The following OR52E6 variants were observed in gnomAD, a reference collection of about 807,000 sequenced individuals.
OR52E6 encodes olfactory receptor family 52 subfamily E member 6.
For synonymous variants in OR52E6, 173 were observed against 137.3 expected (o/e 1.26, Z -1.82); for missense variants, 419 against 381.5 (o/e 1.10, Z -0.82).
chr11:5,841,602 T>C lies in OR52E6; in HGVS notation c.296A>G (p.Tyr99Cys), dbSNP rs1846612722. 1 of 1,614,106 alleles carries C rather than the reference T, an allele frequency of 6.2e-7. No homozygotes were observed. Among genetic ancestry groups the C allele is most frequent in the Non-Finnish European group, 8.5e-7 (1 of 1,179,972 alleles). Residue 99 changes from tyrosine to cysteine, a missense_variant, in exon 1 of 1, where the codon TAC becomes TGC. Tyr to Cys is a radical substitution (Grantham distance 194). Transcript: ENST00000329322. ...FNIKEISFGG[Y>C]LSQMFFIHFF... is the part of the protein sequence containing the mutation. ...ATGGATGAAGAACATCTGAGAAAGGTAGCCTCCAAAAGATATTTCCTTGAT... is the reference window on the plus strand; with the variant it reads ...ATGGATGAAGAACATCTGAGAAAGGCAGCCTCCAAAAGATATTTCCTTGAT...
chr11:5,841,845 C>G lies in OR52E6; in HGVS notation c.53G>C (p.Gly18Ala), dbSNP rs769350530. The change falls in exon 1 of 1, where the codon GGT becomes GCT. Residue 18 changes from glycine (G) to alanine (A), a missense_variant. Physicochemically the swap from Gly to Ala is moderately conservative, Grantham distance 60. Coordinates refer to ENST00000329322, the MANE Select transcript of OR52E6 (RefSeq NM_001005167.2). ...GTGCACATCTTCTAGCCCTGGGATA[C>G]CCAGCAGTAGGAATGAAGAAGTATG... ...QFHTSSFLLLGIPGLEDVHIW... is the reference protein window; with the variant it reads ...QFHTSSFLLLAIPGLEDVHIW... 1 of 1,613,596 alleles carries G rather than the reference C, an allele frequency of 6.2e-7. No individual in the cohort carries two copies. The highest frequency in any genetic ancestry group is 2.2e-5 in the East Asian group (1 of 44,852).
rs931087841 is a variant in OR52E6, at chr11:5,841,878, G to A, written c.20C>T (p.Thr7Ile). The change falls in exon 1 of 1, where the codon ACC becomes ATC. Residue 7 changes from threonine (T) to isoleucine (I), a missense_variant. Thr to Ile is a moderately conservative substitution (Grantham distance 89, BLOSUM62 -1). Transcript: ENST00000329322. ...TAGGAATGAAGAAGTATGGAACTGG[G>A]TGTCGTTAGCTATAGGCATTCTTTC... is the stretch of plus-strand genomic sequence containing the variant. MPIAND[T>I]QFHTSSFLLL... 68 of 1,613,272 alleles carry A rather than the reference G, an allele frequency of 4.2e-5. No homozygotes were observed. The highest frequency in any genetic ancestry group is 5.7e-5 in the Non-Finnish European group (67 of 1,179,450).
chr11:5,841,366 G>A lies in OR52E6; in HGVS notation c.532C>T (p.His178Tyr), dbSNP rs753090391. 6.2e-7 allele frequency: 1 copy of A among 1,614,182 alleles called. No individual in the cohort carries two copies. The highest frequency in any genetic ancestry group is 8.5e-7 in the Non-Finnish European group (1 of 1,180,028). ...ATGCCCATGTGCTCACAGTAAGTAT[G>A]AGGGATGATACGATGTCCACAGAAG... is the stretch of plus-strand genomic sequence containing the variant. ...LPFCGHRIIP[H>Y]TYCEHMGIAR... The change falls in exon 1 of 1, where the codon CAT becomes TAT. Residue 178 changes from histidine (H) to tyrosine (Y), a missense_variant. Coordinates refer to ENST00000329322, the MANE Select transcript of OR52E6 (RefSeq NM_001005167.2).
rs770698087 is a variant in OR52E6, at chr11:5,841,106, G to C, written c.792C>G (p.Cys264Trp). Residue 264 changes from cysteine to tryptophan, a missense_variant, in exon 1 of 1, where the codon TGC becomes TGG. Cys to Trp is a radical substitution (Grantham distance 215). Transcript: ENST00000329322. ...TATATTGGGGAATATCATGGCCAAA[G>C]CAGTGTGTAAAGAAAGAGAAAAATG... is the stretch of plus-strand genomic sequence containing the variant. ...TPAFFSFFTH[C>W]FGHDIPQYIH... 1.9e-6 allele frequency: 3 copies of C among 1,613,922 alleles called. No individual in the cohort carries two copies. The highest frequency in any genetic ancestry group is 2.5e-6 in the Non-Finnish European group (3 of 1,179,926).
chr11:5,841,434 A>C lies in OR52E6; in HGVS notation c.464T>G (p.Leu155Trp). The stretch of plus-strand genomic sequence containing the variant: ...AAACACCAGTGGAATGACCATGTAC[A>C]AGCTCCTCAGGACAGCAATGCCTGC... The part of the protein sequence containing the change: ...LIAGIAVLRS[L>W]YMVIPLVFLL... Residue 155 changes from leucine to tryptophan, a missense_variant, in exon 1 of 1, where the codon TTG becomes TGG. Transcript: ENST00000329322. 6.2e-7 allele frequency: 1 copy of C among 1,614,184 alleles called. No homozygotes were observed. The highest frequency in any genetic ancestry group is 8.5e-7 in the Non-Finnish European group (1 of 1,180,020).
chr11:5,841,179 T>C lies in OR52E6; in HGVS notation c.719A>G (p.Asn240Ser), dbSNP rs1306204603. 7.4e-6 allele frequency: 12 copies of C among 1,613,668 alleles called. No individual in the cohort carries two copies. Among genetic ancestry groups the C allele is most frequent in the South Asian group, 1.1e-5 (1 of 91,056 alleles). Residue 240 changes from asparagine to serine, a missense_variant, in exon 1 of 1, where the codon AAC becomes AGC. Asn to Ser is a conservative substitution (Grantham distance 46). Transcript: ENST00000329322. Reference protein sequence around the residue: ...PSWEARLKALNTCGSHIGVIL... With the variant: ...PSWEARLKALSTCGSHIGVIL... ...AACACCAATGTGAGAGCCACAGGTGTTGAGAGCTTTGAGTCGAGCTTCCCA... is the reference window on the plus strand; with the variant it reads ...AACACCAATGTGAGAGCCACAGGTGCTGAGAGCTTTGAGTCGAGCTTCCCA...
chr11:5,841,023 A>T lies in OR52E6; in HGVS notation c.875T>A (p.Ile292Asn), dbSNP rs200527084. ...VVVPPTLNPV[I>N]YGVRTKHIRE... ...AATATGTTTGGTTCTGACCCCATAG[A>T]TTACAGGATTGAGGGTGGGAGGAAC... The change falls in exon 1 of 1, where the codon ATC (isoleucine) becomes AAC (asparagine). Residue 292 changes from isoleucine (I) to asparagine (N), a missense_variant. Transcript: ENST00000329322. 2 of 1,611,778 alleles carry T rather than the reference A, an allele frequency of 1.2e-6. No homozygotes were observed. Among genetic ancestry groups the T allele is most frequent in the Non-Finnish European group, 8.5e-7 (1 of 1,178,954 alleles).
In OR52E6 at chr11:5,841,873, A is replaced by C; in HGVS notation, c.25T>G (p.Phe9Val). 1 of 1,613,414 alleles carries C rather than the reference A, an allele frequency of 6.2e-7. No homozygotes were observed. Among genetic ancestry groups the C allele is most frequent in the Non-Finnish European group, 8.5e-7 (1 of 1,179,592 alleles). MPIANDTQ[F>V]HTSSFLLLGI... ...AGCAGTAGGAATGAAGAAGTATGGA[A>C]CTGGGTGTCGTTAGCTATAGGCATT... Residue 9 changes from phenylalanine to valine, a missense_variant, in exon 1 of 1, where the codon TTC becomes GTC. Physicochemically the swap from Phe to Val is conservative, Grantham distance 50. Coordinates refer to ENST00000329322, the MANE Select transcript of OR52E6 (RefSeq NM_001005167.2).
At position 5,841,805 on chromosome 11, in the gene OR52E6, G is replaced by C; in HGVS notation, c.93C>G (p.Phe31Leu). 6.2e-7 allele frequency: 1 copy of C among 1,613,900 alleles called. No homozygotes were observed. Among genetic ancestry groups the C allele is most frequent in the South Asian group, 1.1e-5 (1 of 91,054 alleles). ...CAATAAGATACACAGAGAAAAAAGGGAATCCAATCCAGATGTGCACATCTT... is the reference window on the plus strand; with the variant it reads ...CAATAAGATACACAGAGAAAAAAGGCAATCCAATCCAGATGTGCACATCTT... The part of the protein sequence containing the change: ...GLEDVHIWIG[F>L]PFFSVYLIAL... Residue 31 changes from phenylalanine (F) to leucine (L), a missense_variant, in exon 1 of 1, where the codon TTC becomes TTG. By Grantham distance (22) the Phe-to-Leu change is conservative. Transcript: ENST00000329322.
Position 5,841,011 on chromosome 11 carries a change from C to A in OR52E6, c.887G>T (p.Arg296Ile). Residue 296 changes from arginine to isoleucine, a missense_variant, in exon 1 of 1, where the codon AGA becomes ATA. Physicochemically the swap from Arg to Ile is moderately conservative, Grantham distance 97. Transcript: ENST00000329322. ...CACTGTCTCCCTAATATGTTTGGTT[C>A]TGACCCCATAGATTACAGGATTGAG... ...PTLNPVIYGV[R>I]TKHIRETVLR... The A allele has an allele frequency of 6.2e-7, 1 of 1,608,018 alleles. No individual in the cohort carries two copies.
In OR52E6 at chr11:5,841,020, T is replaced by C. The variant is rs373150151; in HGVS notation, c.878A>G (p.Tyr293Cys). 3.0e-5 allele frequency: 49 copies of C among 1,611,002 alleles called. No homozygotes were observed. The highest frequency in any genetic ancestry group is 1.3e-4 in the East Asian group (6 of 44,856). ...CCTAATATGTTTGGTTCTGACCCCA[T>C]AGATTACAGGATTGAGGGTGGGAGG... ...VVPPTLNPVI[Y>C]GVRTKHIRET... Residue 293 changes from tyrosine (Y) to cysteine (C), a missense_variant, in exon 1 of 1, where the codon TAT becomes TGT. Transcript: ENST00000329322.
Position 5,841,121 on chromosome 11 carries a change from A to C in OR52E6, c.777T>G (p.Ser259=), listed in dbSNP as rs1216650452. The C allele has an allele frequency of 1.9e-6, 3 of 1,613,808 alleles. No individual in the cohort carries two copies. The highest frequency in any genetic ancestry group is 2.2e-5 in the East Asian group (1 of 44,838). The part of the protein sequence containing the change: ...ILAFSTPAFF[S]FFTHCFGHDI... ...CATGGCCAAAGCAGTGTGTAAAGAA[A>C]GAGAAAAATGCTGGTGTAGAAAAGG... The change falls in exon 1 of 1, where the codon TCT becomes TCG. Residue 259 remains serine (S), a synonymous_variant. Transcript: ENST00000329322.
In OR52E6 at chr11:5,841,401, AAG is replaced by A; in HGVS notation, c.495_496del (p.Leu166LysfsTer16). 6.2e-7 allele frequency: 1 copy of A among 1,614,222 alleles called. No individual in the cohort carries two copies. The highest frequency in any genetic ancestry group is 8.5e-7 in the Non-Finnish European group (1 of 1,180,032). Reference sequence around the variant, plus strand: ...ACGATGTCCACAGAAGGGCAACCTTAAGAGGAGAAACACCAGTGGAATGACCA... The same window carrying A: ...ACGATGTCCACAGAAGGGCAACCTTAAGGAGAAACACCAGTGGAATGACCA... On this transcript the variant is annotated frameshift_variant, in exon 1 of 1. Transcript: ENST00000329322. LOFTEE classifies it low-confidence loss of function (END_TRUNC).
rs1455803216 is a variant in OR52E6, at chr11:5,840,943, A to G, written c.*13T>C. Reference sequence around the variant, plus strand: ...TCATGAATGCTAAGAGAGACCCTCCAAACTCCAACTGGTTAGTGATCTGTC... The same window carrying G: ...TCATGAATGCTAAGAGAGACCCTCCGAACTCCAACTGGTTAGTGATCTGTC... On this transcript the variant is annotated 3_prime_UTR_variant, in exon 1 of 1. Coordinates refer to ENST00000329322, the MANE Select transcript of OR52E6 (RefSeq NM_001005167.2). The G allele has an allele frequency of 2.6e-6, 4 of 1,518,076 alleles. No individual in the cohort carries two copies. The highest frequency in any genetic ancestry group is 1.4e-5 in the African/African-American group (1 of 71,894). 94.0% of individuals were successfully genotyped at this position (1,518,076 alleles called of 1,614,324 possible).
rs139412237 is a variant in OR52E6 at position 5,841,668 on chromosome 11, G to C, written c.230C>G (p.Thr77Arg). 8 of 1,613,758 alleles carry C rather than the reference G, an allele frequency of 5.0e-6. No individual in the cohort carries two copies. Among genetic ancestry groups the C allele is most frequent in the Non-Finnish European group, 6.8e-6 (8 of 1,179,854 alleles). The stretch of plus-strand genomic sequence containing the variant: ...GCCCAGCATTTTGGGAATGGTGGCC[G>C]TAGACAAGCTCAGGTCAATGGAATC... ...MLDSIDLSLS[T>R]ATIPKMLGIF... Residue 77 changes from threonine (T) to arginine (R), a missense_variant, in exon 1 of 1, where the codon ACG becomes AGG. Thr to Arg is a moderately conservative substitution (Grantham distance 71, BLOSUM62 -1). Coordinates refer to ENST00000329322, the MANE Select transcript of OR52E6 (RefSeq NM_001005167.2).
At position 5,841,694 on chromosome 11, in the gene OR52E6, C is replaced by T; in HGVS notation, c.204G>A (p.Leu68=). ...TAGACAAGCTCAGGTCAATGGAATC[C>T]AACATGGCCAGGCAGTAGTACATGG... ...HEPMYYCLAM[L]DSIDLSLSTA... is the part of the protein sequence containing the mutation. The change falls in exon 1 of 1, where the codon TTG becomes TTA. Residue 68 remains leucine (L), a synonymous_variant. Coordinates refer to ENST00000329322, the MANE Select transcript of OR52E6 (RefSeq NM_001005167.2). 6.2e-7 allele frequency: 1 copy of T among 1,613,564 alleles called. No individual in the cohort carries two copies. Among genetic ancestry groups the T allele is most frequent in the Non-Finnish European group, 8.5e-7 (1 of 1,179,704 alleles).
chr11:5,841,878 G>C lies in OR52E6; in HGVS notation c.20C>G (p.Thr7Ser). MPIAND[T>S]QFHTSSFLLL... ...TAGGAATGAAGAAGTATGGAACTGG[G>C]TGTCGTTAGCTATAGGCATTCTTTC... Residue 7 changes from threonine (T) to serine (S), a missense_variant, in exon 1 of 1, where the codon ACC (threonine) becomes AGC (serine). Transcript: ENST00000329322. 1.2e-6 allele frequency: 2 copies of C among 1,613,390 alleles called. No individual in the cohort carries two copies. The highest frequency in any genetic ancestry group is 8.5e-7 in the Non-Finnish European group (1 of 1,179,442).
chr11:5,841,098 T>G lies in OR52E6; in HGVS notation c.800A>C (p.His267Pro). 6.2e-7 allele frequency: 1 copy of G among 1,613,916 alleles called. No homozygotes were observed. The highest frequency in any genetic ancestry group is 8.5e-7 in the Non-Finnish European group (1 of 1,179,946). The stretch of plus-strand genomic sequence containing the variant: ...AATGTGGATATATTGGGGAATATCA[T>G]GGCCAAAGCAGTGTGTAAAGAAAGA... ...FFSFFTHCFGHDIPQYIHIFL... is the reference protein window; with the variant it reads ...FFSFFTHCFGPDIPQYIHIFL... The change falls in exon 1 of 1, where the codon CAT becomes CCT. Residue 267 changes from histidine (H) to proline (P), a missense_variant. Transcript: ENST00000329322.
In OR52E6 at chr11:5,840,998, A is replaced by G. The variant is rs746512748; in HGVS notation, c.900T>C (p.Ile300=). 12 of 1,598,006 alleles carry G rather than the reference A, an allele frequency of 7.5e-6. No individual in the cohort carries two copies. Among genetic ancestry groups the G allele is most frequent in the African/African-American group, 2.7e-5 (2 of 74,276 alleles). The change falls in exon 1 of 1, where the codon ATT becomes ATC. Residue 300 remains isoleucine, a synonymous_variant. Transcript: ENST00000329322. ...PVIYGVRTKH[I]RETVLRIFFK... is the part of the protein sequence containing the mutation. ...AGAAAATCCTCAGCACTGTCTCCCTAATATGTTTGGTTCTGACCCCATAGA... is the reference window on the plus strand; with the variant it reads ...AGAAAATCCTCAGCACTGTCTCCCTGATATGTTTGGTTCTGACCCCATAGA...
Sources: allele counts gnomAD v4.1 joint callset, GRCh38; gene constraint gnomAD v4.1.1; transcripts MANE v1.5; gene names NCBI Gene and HGNC (gene_info 2026-07-23, HGNC 2026-07-21).